Variants in SNX29 observed in about 807,000 individuals in gnomAD.
SNX29 encodes sorting nexin-29.
In SNX29, 78 loss-of-function variants were observed where a neutral mutation model predicts 102.1. That is an observed-to-expected ratio of 0.76 (90% CI 0.64 to 0.92). The LOEUF is 0.92. Ranked by LOEUF, SNX29 falls within the 40% of genes least tolerant of loss-of-function variation. The pLI is 0.00. For synonymous variants in SNX29, 580 were observed against 414.5 expected, an observed-to-expected ratio of 1.40 and a Z score of -4.85; for missense variants, 1,280 against 1,061.7, an observed-to-expected ratio of 1.21 and a Z score of -2.86.
At chr16:12,006,057 G>GTAATA (rs2056441163) in intron 3 of SNX29, among the ~76,000 whole-genome samples, 10 of 152,018 alleles carry the variant, frequency 6.6e-5, no homozygotes, top group Admixed American at 6.6e-4. Context: ...ACTAATAATA[G>GTAATA]GCCAGGCGCT....
At chr16:12,359,635 A>G (rs35910275) in intron 16 of SNX29, among the ~76,000 whole-genome samples, 3,452 of 152,330 alleles carry the variant, frequency 0.023, 60 homozygotes, top group Middle Eastern at 0.054. Context: ...ACAAAAACCC[A>G]TGTCCCTATC....
intron 20 of SNX29, chr16:12,545,525 C>T (rs907182139): frequency 2.0e-5 from 3 of 152,202 alleles, no homozygotes; most frequent in Admixed American, 1.3e-4. Context: ...AGTGGGTGAC[C>T]AGGGCCTTTG....
chr16:12,562,217 G>A (rs554999687), intron 20 of SNX29, among the ~76,000 whole-genome samples: 1 of 152,166 alleles, frequency 6.6e-6, no homozygotes, highest in Non-Finnish European at 1.5e-5. Context: ...CCTGCTGGAG[G>A]TGGCCAAGTT....
At chr16:12,218,948 G>A (rs1418101286) in intron 14 of SNX29, among the ~76,000 whole-genome samples, 1 of 152,052 alleles carries the variant, frequency 6.6e-6, no homozygotes, top group Non-Finnish European at 1.5e-5. Flanking sequence ...CTAATTTTTT[G>A]TATTTTTAGT....
intron 20 of SNX29, among the ~76,000 whole-genome samples, chr16:12,541,145 C>T (rs1300249103): frequency 1.3e-5 from 2 of 152,272 alleles, no homozygotes; most frequent in Non-Finnish European, 2.9e-5. Context: ...GGTGACCTTA[C>T]TACATCATAC....
intron 7 of SNX29, among the ~76,000 whole-genome samples, chr16:12,050,107 T>C (rs2050242943): frequency 6.6e-6 from 1 of 152,218 alleles, no homozygotes; most frequent in Non-Finnish European, 1.5e-5. Context: ...TTGTAGAAGA[T>C]AGGGCTGTTG....
intron 17 of SNX29, among the ~76,000 whole-genome samples, chr16:12,401,242 T>C (rs545682807): frequency 1.3e-5 from 2 of 152,264 alleles, no homozygotes; most frequent in East Asian, 1.9e-4. Flanking sequence ...TGCACATTCT[T>C]CTCAAGTGCC....
intron 19 of SNX29, among the ~76,000 whole-genome samples, chr16:12,506,175 G>C (rs1172079335): frequency 6.6e-6 from 1 of 152,308 alleles, no homozygotes; most frequent in South Asian, 2.1e-4. Flanking sequence ...TGACCAGGCT[G>C]GTCTTGAACT....
chr16:12,344,741 C>A (rs1452248184), intron 15 of SNX29, among the ~76,000 whole-genome samples: 1 of 152,206 alleles, frequency 6.6e-6, no homozygotes, highest in Non-Finnish European at 1.5e-5. Flanking sequence ...TCCTCCTGGG[C>A]TGCCTGCCCA....
At chr16:12,513,288 C>T (rs210709) in intron 19 of SNX29, among the ~76,000 whole-genome samples, 20,769 of 147,442 alleles carry the variant, frequency 0.14, 1,570 homozygotes, top group Non-Finnish European at 0.17. Context: ...CCTCCCCAGC[C>T]CTCCTGCCTT....
At chr16:12,405,725 C>A (rs944303619) in intron 18 of SNX29, among the ~76,000 whole-genome samples, 2 of 152,202 alleles carry the variant, frequency 1.3e-5, no homozygotes, top group African/African-American at 4.8e-5. Context: ...TTGAAGAGTA[C>A]TTATTTTAGA....
Position 12,531,675 on chromosome 16 carries a change from T to G in SNX29, c.2318+6834T>G, listed in dbSNP as rs553316390. Reference sequence around the variant, plus strand: ...GAAGATGCCGAGTTTTGAGGCTGAATATCTGGGTGCAGAGAGGTCAAGGGG... The same window carrying G: ...GAAGATGCCGAGTTTTGAGGCTGAAGATCTGGGTGCAGAGAGGTCAAGGGG... On this transcript the variant is annotated intron_variant, in intron 20 of 20. Transcript: ENST00000566228. Among the ~76,000 whole-genome samples the G allele has an allele frequency of 3.4e-4, 51 of 152,198 alleles. 1 individual carries two copies. Among genetic ancestry groups the G allele is most frequent in the African/African-American group, 1.2e-3 (51 of 41,544 alleles).
chr16:12,174,412 G>T lies in SNX29; in HGVS notation c.1596-25189G>T, dbSNP rs541451594. ...TGGTCCCATCTTGGCAAGATACATC[G>T]TTTGAGATTTTCAGCCTTGACCTCT... is the stretch of plus-strand genomic sequence containing the variant. On this transcript the variant is annotated intron_variant, in intron 13 of 20. Transcript: ENST00000566228. Among the ~76,000 whole-genome samples, 205 of 152,316 alleles carry T rather than the reference G, an allele frequency of 1.3e-3. 1 individual carries two copies. The highest frequency in any genetic ancestry group is 2.9e-3 in the South Asian group (14 of 4,830).
At chr16:12,479,197 G>A (rs146963472) in intron 19 of SNX29, among the ~76,000 whole-genome samples, 90 of 152,328 alleles carry the variant, frequency 5.9e-4, no homozygotes, top group African/African-American at 2.0e-3. Flanking sequence ...AGGTGATGCT[G>A]TTCATGAGGA....
intron 4 of SNX29, among the ~76,000 whole-genome samples, chr16:12,038,247 C>T (rs1414712063): frequency 6.6e-6 from 1 of 152,168 alleles, no homozygotes; most frequent in Non-Finnish European, 1.5e-5. Context: ...AATAAGTTTC[C>T]CAAGGTCACA....
At chr16:12,460,858 C>T (rs1008930224) in intron 18 of SNX29, among the ~76,000 whole-genome samples, 1 of 152,112 alleles carries the variant, frequency 6.6e-6, no homozygotes, top group African/African-American at 2.4e-5. Context: ...AGAATTTCGC[C>T]ATGTTGGCCA....
intron 3 of SNX29, among the ~76,000 whole-genome samples, chr16:12,024,124 G>A (rs2057118441): frequency 6.6e-6 from 1 of 151,692 alleles, no homozygotes; most frequent in African/African-American, 2.4e-5. Flanking sequence ...GAGGGAATAC[G>A]TGAGCTAAGT....
chr16:12,556,896 C>T lies in SNX29; in HGVS notation c.2319-11610C>T, dbSNP rs185723071. On this transcript the variant is annotated intron_variant, in intron 20 of 20. Transcript: ENST00000566228. ...GAGATAGGGTCTCCGTCTGTCTCCT[C>T]ACCTTGAGTGTAGTGGCATGATCTC... is the stretch of plus-strand genomic sequence containing the variant. Among the ~76,000 whole-genome samples the T allele has an allele frequency of 1.9e-4, 28 of 148,532 alleles. No individual in the cohort carries two copies. In the East Asian group the frequency reaches 5.4e-3, roughly 29 times the overall value.
At position 12,096,398 on chromosome 16, in the gene SNX29, G is replaced by C. The variant is rs1057313045; in HGVS notation, c.1402+17483G>C. 6.6e-5 allele frequency among the ~76,000 whole-genome samples: 10 copies of C among 152,230 alleles called. No homozygotes were observed. The highest frequency in any genetic ancestry group is 2.2e-4 in the African/African-American group (9 of 41,460). ...CTGAGGAGCCAGAGGTGGGGATCCAGCTTGGCCATGCACAAGCTCTGTGTC... is the reference window on the plus strand; with the variant it reads ...CTGAGGAGCCAGAGGTGGGGATCCACCTTGGCCATGCACAAGCTCTGTGTC... On this transcript the variant is annotated intron_variant, in intron 11 of 20. Transcript: ENST00000566228. This position sits in a 1 kb window ranked among gnomAD's most constrained non-coding sequence, Gnocchi z 4.2.
Sources: gnomAD v4.1 joint callset for allele counts (sites outside exome capture counted in the v4.1 genomes callset) on GRCh38, gnomAD v4.1.1 for gene constraint, Gnocchi (gnomAD v3.1) non-coding constraint, MANE v1.5 for transcripts, NCBI Gene and HGNC (gene_info 2026-07-23, HGNC 2026-07-21) for gene names.